Variants in RAB3GAP2 observed in about 807,000 individuals in gnomAD.
The protein encoded by RAB3GAP2 is RAB3 GTPase activating non-catalytic protein subunit 2, also known as rab3 GTPase-activating protein non-catalytic subunit.
A neutral mutation model predicts 185.3 loss-of-function variants in RAB3GAP2; 87 were observed. The observed-to-expected ratio is 0.47, with a 90% confidence interval of 0.39 to 0.56. RAB3GAP2 has a LOEUF of 0.56. RAB3GAP2 is among the 20% of genes least tolerant of loss of function. The pLI is 0.00. For synonymous variants in RAB3GAP2, 554 were observed against 576.1 expected (o/e 0.96, Z 0.55); for missense variants, 1,492 against 1,638.2 (o/e 0.91, Z 1.54).
At position 220,191,288 on chromosome 1, in the gene RAB3GAP2, A is replaced by G. The variant is rs1658614936; in HGVS notation, c.1271-4T>C. On this transcript the variant is annotated splice_polypyrimidine_tract_variant and splice_region_variant and intron_variant, in intron 13 of 34. Transcript: ENST00000358951. ...CCAATTTGTGCGTCGCGGTACCCTT[A>G]GAGACAGAGGTAAAGGGAAGTTAAT... 1 of 1,436,550 alleles carries G rather than the reference A, an allele frequency of 7.0e-7. No individual in the cohort carries two copies. Among genetic ancestry groups the G allele is most frequent in the Admixed American group, 1.9e-5 (1 of 52,646 alleles). The allele number at this position is 1,436,550 out of a possible 1,614,324, so 89.0% of individuals were successfully genotyped here.
intron 4 of RAB3GAP2, among the ~76,000 whole-genome samples, chr1:220,211,561 CAT>C (rs1239081467): frequency 6.6e-6 from 1 of 152,182 alleles, no homozygotes; most frequent in African/African-American, 2.4e-5. Context: ...TTTCTAAGCA[CAT>C]GTTAGGTGTG....
At chr1:220,209,444 T>C (rs1050397803) in intron 7 of RAB3GAP2, among the ~76,000 whole-genome samples, 1 of 152,172 alleles carries the variant, frequency 6.6e-6, no homozygotes, top group East Asian at 1.9e-4. Context: ...TTATTCAAGG[T>C]TTAATGCAAA....
intron 9 of RAB3GAP2, among the ~76,000 whole-genome samples, chr1:220,197,041 C>T (rs866341453): frequency 6.6e-6 from 1 of 151,450 alleles, no homozygotes; most frequent in African/African-American, 2.4e-5. Context: ...GGCTGGAGTG[C>T]AATGGTGCAA....
chr1:220,260,447 G>A (rs570353814), intron 1 of RAB3GAP2, among the ~76,000 whole-genome samples: 1 of 152,296 alleles, frequency 6.6e-6, no homozygotes, highest in African/African-American at 2.4e-5. Context: ...CCTTTGCAGG[G>A]ACATGGATGG....
chr1:220,181,177 G>A (rs1195514742), intron 21 of RAB3GAP2, among the ~76,000 whole-genome samples: 1 of 152,172 alleles, frequency 6.6e-6, no homozygotes, highest in African/African-American at 2.4e-5. Context: ...CACCTAGGCT[G>A]GAGTGCAGAG....
At position 220,167,410 on chromosome 1, in the gene RAB3GAP2, G is replaced by A. The variant is rs1558142015; in HGVS notation, c.2981-11C>T. The A allele has an allele frequency of 6.2e-7, 1 of 1,613,834 alleles. No homozygotes were observed. Among genetic ancestry groups the A allele is most frequent in the Non-Finnish European group, 8.5e-7 (1 of 1,179,698 alleles). ...CTAAATGCAGTAAGTCTGAAAGTCA[G>A]AAGAAAGCAGTGATGTTATTTTTTT... On this transcript the variant is annotated splice_polypyrimidine_tract_variant and intron_variant, in intron 25 of 34. Transcript: ENST00000358951.
chr1:220,210,514 C>T, intron 6 of RAB3GAP2, 25 bp from the exon 7 acceptor site: 1 of 1,565,882 alleles, frequency 6.4e-7, no homozygotes, highest in Non-Finnish European at 8.8e-7. Flanking sequence ...AGAGAAGGGC[C>T]CTGCTTGTTT....
intron 8 of RAB3GAP2, among the ~76,000 whole-genome samples, chr1:220,204,617 G>T (rs1231908213): frequency 6.6e-6 from 1 of 151,698 alleles, no homozygotes; most frequent in South Asian, 2.1e-4. Flanking sequence ...TAAGTTTTAG[G>T]GTACATGTGC....
At chr1:220,254,653 T>C (rs1660000836) in intron 1 of RAB3GAP2, 1 of 815,992 alleles carries the variant, frequency 1.2e-6, no homozygotes, top group African/African-American at 1.8e-5. Context: ...CAATTGATGT[T>C]TGTTTTCTGT....
chr1:220,170,789 C>T (rs1658159374), intron 24 of RAB3GAP2, 103 bp downstream of exon 24: 3 of 953,066 alleles, frequency 3.1e-6, no homozygotes, highest in Admixed American at 4.2e-5. Flanking sequence ...ATTTTTAAAT[C>T]TGAGTGTATT....
chr1:220,267,524 C>T (rs1264962897), intron 1 of RAB3GAP2: 1 of 1,392,630 alleles, frequency 7.2e-7, no homozygotes, highest in African/African-American at 1.6e-5. Flanking sequence ...ATTTCAAGGT[C>T]TTCCAAAGCC....
chr1:220,262,704 C>A (rs1201477576), intron 1 of RAB3GAP2, among the ~76,000 whole-genome samples: 1 of 152,160 alleles, frequency 6.6e-6, no homozygotes, highest in Non-Finnish European at 1.5e-5. Context: ...TTTTGTTTAT[C>A]CATTCATCCA....
rs141661774 is a variant in RAB3GAP2, at chr1:220,212,329, G to A, written c.386+558C>T. 5.6e-4 allele frequency among the ~76,000 whole-genome samples: 86 copies of A among 152,236 alleles called. 1 individual carries two copies. The East Asian group carries it at 7.3e-3, about 13-fold the overall frequency. On this transcript the variant is annotated intron_variant, in intron 4 of 34. Coordinates refer to ENST00000358951, the MANE Select transcript of RAB3GAP2 (RefSeq NM_012414.4). ...AGACAAAATGTAAAAAGGATTTTACGAGATTCTTTTTGAATTCTTCCTTAA... is the reference window on the plus strand; with the variant it reads ...AGACAAAATGTAAAAAGGATTTTACAAGATTCTTTTTGAATTCTTCCTTAA...
intron 8 of RAB3GAP2, among the ~76,000 whole-genome samples, chr1:220,202,848 C>T (rs1189708905): frequency 6.6e-6 from 1 of 152,096 alleles, no homozygotes; most frequent in Non-Finnish European, 1.5e-5. Flanking sequence ...GAGGCTGAGG[C>T]AGGAAAATCA....
intron 1 of RAB3GAP2, among the ~76,000 whole-genome samples, chr1:220,245,216 A>C (rs970853389): frequency 1.3e-5 from 2 of 152,222 alleles, no homozygotes; most frequent in East Asian, 3.9e-4. Context: ...AGCATGAGTG[A>C]CACAGAAGAC....
At chr1:220,196,203 G>T in intron 10 of RAB3GAP2, 47 bp downstream of exon 10, 1 of 1,589,108 alleles carries the variant, frequency 6.3e-7, no homozygotes, top group Non-Finnish European at 8.6e-7. Flanking sequence ...TAGACAAATT[G>T]TAAAATCAAG....
In RAB3GAP2 at chr1:220,182,309, T is replaced by A; in HGVS notation, c.2258A>T (p.Glu753Val). 2 of 1,614,058 alleles carry A rather than the reference T, an allele frequency of 1.2e-6. No homozygotes were observed. The highest frequency in any genetic ancestry group is 1.7e-6 in the Non-Finnish European group (2 of 1,179,990). ...WKCLHGESST[E>V]DMCHTLESAG... Reference sequence around the variant, plus strand: ...CGACTCCAAAGTGTGACACATATCCTCAGTGGAGCTTTCTCCATGCAAACA... The same window carrying A: ...CGACTCCAAAGTGTGACACATATCCACAGTGGAGCTTTCTCCATGCAAACA... The change falls in exon 21 of 35, where the codon GAG becomes GTG. Residue 753 changes from glutamate (E) to valine (V), a missense_variant. This residue lies in a region of RAB3GAP2 where 681 missense variants were observed against 689.1 expected (regional missense o/e 0.99). Coordinates refer to ENST00000358951, the MANE Select transcript of RAB3GAP2 (RefSeq NM_012414.4).
chr1:220,205,934 GAA>G lies in RAB3GAP2; in HGVS notation c.683_684del (p.Leu228ProfsTer16), dbSNP rs1558155156. ...TTTGCTACCTGATTTCGACAAGCAC[GAA>G]GAGATTGAAAAAGGCTAAATCCATC... The part of the protein sequence containing the change: ...TIDGFSLFQS[L>X]RACRNQVAKA... On this transcript the variant is annotated frameshift_variant, in exon 8 of 35. Coordinates refer to ENST00000358951, the MANE Select transcript of RAB3GAP2 (RefSeq NM_012414.4). LOFTEE classifies it high-confidence loss of function. 3.7e-6 allele frequency: 6 copies of G among 1,608,976 alleles called. No individual in the cohort carries two copies. Among genetic ancestry groups the G allele is most frequent in the Non-Finnish European group, 5.1e-6 (6 of 1,175,844 alleles).
chr1:220,256,168 T>G (rs1450265930), intron 1 of RAB3GAP2, among the ~76,000 whole-genome samples: 4 of 152,168 alleles, frequency 2.6e-5, no homozygotes, highest in African/African-American at 4.8e-5. Context: ...GCTTCATAGA[T>G]GAAGGAGAAA....
Sources: allele counts gnomAD v4.1 joint callset (sites outside exome capture counted in the v4.1 genomes callset), GRCh38; gene constraint gnomAD v4.1.1; regional missense constraint gnomAD v4.1.1; transcripts MANE v1.5; gene names NCBI Gene and HGNC (gene_info 2026-07-23, HGNC 2026-07-21).